Variants in PDE5A observed in about 807,000 individuals in gnomAD.
The protein encoded by PDE5A is phosphodiesterase 5A.
Under a neutral mutation model 110.2 loss-of-function variants are expected in PDE5A, and 67 were observed. The ratio of observed to expected loss-of-function variants is 0.61; its 90% CI spans 0.50 to 0.75. The LOEUF is 0.75. Ranked by LOEUF, PDE5A falls within the 30% of genes least tolerant of loss-of-function variation. PDE5A has a pLI of 0.00. For missense variants in PDE5A, 862 were observed against 1,045.1 expected, an observed-to-expected ratio of 0.82 and a Z score of 2.42; for synonymous variants, 328 against 351.2, an observed-to-expected ratio of 0.93 and a Z score of 0.74.
At chr4:119,542,248 G>T (rs369091452) in intron 10 of PDE5A, among the ~76,000 whole-genome samples, 1 of 152,064 alleles carries the variant, frequency 6.6e-6, no homozygotes, top group Non-Finnish European at 1.5e-5. Flanking sequence ...TTGTGGTTTG[G>T]TTATATGACA....
In PDE5A at chr4:119,535,240, A is replaced by G. The variant is rs569070267; in HGVS notation, c.1632+3720T>C. 3.7e-4 allele frequency among the ~76,000 whole-genome samples: 57 copies of G among 152,258 alleles called. 1 individual carries two copies. The East Asian group carries it at 0.011, about 29-fold the overall frequency. The stretch of plus-strand genomic sequence containing the variant: ...TTATTTAGTACAGATTTAATGACAG[A>G]GGCCTTGAGTCAACACACTTGTGGG... On this transcript the variant is annotated intron_variant, in intron 11 of 20. Transcript: ENST00000354960.
chr4:119,551,250 G>A (rs865983753), intron 9 of PDE5A, among the ~76,000 whole-genome samples: 2 of 152,200 alleles, frequency 1.3e-5, no homozygotes, highest in African/African-American at 4.8e-5. Flanking sequence ...AGCACCTGCA[G>A]CTCCAGCCCA....
At chr4:119,514,159 C>T (rs1725832803) in intron 14 of PDE5A, among the ~76,000 whole-genome samples, 1 of 152,186 alleles carries the variant, frequency 6.6e-6, no homozygotes, top group Non-Finnish European at 1.5e-5. Context: ...TTTGCATTTT[C>T]CTCTGTTCTG....
At chr4:119,572,276 T>C (rs1026126044) in intron 3 of PDE5A, among the ~76,000 whole-genome samples, 3 of 152,260 alleles carry the variant, frequency 2.0e-5, no homozygotes, top group African/African-American at 7.2e-5. Flanking sequence ...CACTTTGCAT[T>C]ATTTTACATG....
At chr4:119,556,543 T>C (rs1351073279) in intron 7 of PDE5A, among the ~76,000 whole-genome samples, 1 of 152,178 alleles carries the variant, frequency 6.6e-6, no homozygotes, top group Non-Finnish European at 1.5e-5. Flanking sequence ...TAATACTGTG[T>C]TCTTGTTTAA....
Position 119,560,277 on chromosome 4 carries a change from A to G in PDE5A, c.1199+19T>C, listed in dbSNP as rs772821482. ...ATTATATCATGTGATAAAGACAAGTAGAGAATACGTGCTTTTACCTTGTTA... is the reference window on the plus strand; with the variant it reads ...ATTATATCATGTGATAAAGACAAGTGGAGAATACGTGCTTTTACCTTGTTA... On this transcript the variant is annotated intron_variant, in intron 7 of 20. Transcript: ENST00000354960. 6.9e-6 allele frequency: 10 copies of G among 1,443,282 alleles called. No individual in the cohort carries two copies. The East Asian group carries it at 2.1e-4, about 30-fold the overall frequency. 89.4% of individuals were successfully genotyped at this position (1,443,282 alleles called of 1,614,324 possible).
chr4:119,592,478 A>C (rs1188541642), intron 3 of PDE5A, among the ~76,000 whole-genome samples: 3 of 149,930 alleles, frequency 2.0e-5, no homozygotes, highest in Non-Finnish European at 1.5e-5. Flanking sequence ...AAAAAAAAAA[A>C]AAAAAAAAAG....
chr4:119,541,174 T>C (rs756689367), intron 10 of PDE5A, among the ~76,000 whole-genome samples: 9 of 152,052 alleles, frequency 5.9e-5, no homozygotes, highest in Admixed American at 1.3e-4. Context: ...GCTTTCTGTC[T>C]ACTTCTGTAT....
At chr4:119,624,810 G>A (rs1230552273) in intron 1 of PDE5A, among the ~76,000 whole-genome samples, 6 of 152,258 alleles carry the variant, frequency 3.9e-5, no homozygotes, top group Admixed American at 1.3e-4. Flanking sequence ...AAAGGCATAC[G>A]CATTAAAGCC....
chr4:119,531,837 A>G (rs1241740219), intron 11 of PDE5A, among the ~76,000 whole-genome samples: 1 of 152,126 alleles, frequency 6.6e-6, no homozygotes, highest in Non-Finnish European at 1.5e-5. Flanking sequence ...CTGAAGCACA[A>G]ATAAGTCACA....
intron 10 of PDE5A, among the ~76,000 whole-genome samples, chr4:119,542,166 G>A (rs888446259): frequency 1.3e-5 from 2 of 152,136 alleles, no homozygotes; most frequent in African/African-American, 4.8e-5. Flanking sequence ...AGTCATCTGT[G>A]TCAATGGATT....
At chr4:119,541,241 GCTGA>G (rs1726916702) in intron 10 of PDE5A, among the ~76,000 whole-genome samples, 1 of 151,658 alleles carries the variant, frequency 6.6e-6, no homozygotes, top group Non-Finnish European at 1.5e-5. Flanking sequence ...CTAATTGATA[GCTGA>G]CTTAGATTAA....
intron 12 of PDE5A, among the ~76,000 whole-genome samples, chr4:119,523,317 G>GTCAT: frequency 6.6e-6 from 1 of 152,144 alleles, no homozygotes; most frequent in Middle Eastern, 3.4e-3. Context: ...AATGGTTACA[G>GTCAT]TCATTATAGG....
At chr4:119,571,135 G>A (rs1342197618) in intron 3 of PDE5A, among the ~76,000 whole-genome samples, 6 of 152,246 alleles carry the variant, frequency 3.9e-5, no homozygotes, top group Admixed American at 3.9e-4. Flanking sequence ...TGAGAAAACT[G>A]AGAGTGAGAG....
chr4:119,601,285 T>G (rs1467117958), intron 2 of PDE5A, among the ~76,000 whole-genome samples: 2 of 152,018 alleles, frequency 1.3e-5, no homozygotes, highest in Non-Finnish European at 2.9e-5. Context: ...TTGAATCCAC[T>G]CACCAATGGC....
At chr4:119,505,698 A>G (rs1578724964) in intron 17 of PDE5A, among the ~76,000 whole-genome samples, 157 bp downstream of exon 17, 2 of 152,004 alleles carry the variant, frequency 1.3e-5, no homozygotes, top group East Asian at 1.9e-4. Flanking sequence ...TAAATATTCA[A>G]ATTTACTCTT....
In PDE5A at chr4:119,504,547, T is replaced by G; in HGVS notation, c.2320A>C (p.Ile774Leu). The part of the protein sequence containing the change: ...DLSAITKPWP[I>L]QQRIAELVAT... ...ACTAAGTAACATACCCGTTGTTGAA[T>G]AGGCCAGGGTTTTGTAATTGCAGAA... Residue 774 changes from isoleucine to leucine, a missense_variant, in exon 18 of 21, where the codon ATT becomes CTT. Transcript: ENST00000354960. The G allele has an allele frequency of 6.2e-7, 1 of 1,611,626 alleles. No individual in the cohort carries two copies.
At chr4:119,573,631 T>C (rs999620771) in intron 3 of PDE5A, among the ~76,000 whole-genome samples, 8 of 152,188 alleles carry the variant, frequency 5.3e-5, no homozygotes, top group African/African-American at 1.9e-4. Context: ...TACAGGCACC[T>C]TTATACCTAT....
intron 2 of PDE5A, 23 bp from the exon 3 acceptor site, chr4:119,596,635 A>G (rs201515413): frequency 3.1e-6 from 4 of 1,296,764 alleles, no homozygotes; most frequent in East Asian, 4.7e-5. Context: ...AAGAAATTCA[A>G]TTTAATGACT....
Sources: gnomAD v4.1 joint callset for allele counts (sites outside exome capture counted in the v4.1 genomes callset) on GRCh38, gnomAD v4.1.1 for gene constraint, MANE v1.5 for transcripts, NCBI Gene and HGNC (gene_info 2026-07-23, HGNC 2026-07-21) for gene names.